SYT13: variants seen among roughly 807,000 people sequenced by gnomAD.
SYT13 encodes synaptotagmin-13.
SYT13 carries 21 observed loss-of-function variants against 38.6 expected under a neutral mutation model. That is an observed-to-expected ratio of 0.54 (90% CI 0.39 to 0.78). The LOEUF is 0.78. SYT13 is among the 30% of genes least tolerant of loss of function. SYT13 has a pLI of 0.00. For synonymous variants in SYT13, 241 were observed against 237.6 expected, an observed-to-expected ratio of 1.01 and a Z score of -0.13; for missense variants, 495 against 548.7, an observed-to-expected ratio of 0.90 and a Z score of 0.98.
At position 45,254,337 on chromosome 11, in the gene SYT13, G is replaced by A; in HGVS notation, c.477C>T (p.Ala159=). ...NPEKAASWNQ[A]PKLHYCLDYD... is the part of the protein sequence containing the mutation. ...AGTCCAGGCAGTAGTGGAGTTTGGG[G>A]GCCTGGTTCCAACTGGCAGCCTTCT... The change falls in exon 3 of 6, where the codon GCC becomes GCT. Residue 159 remains alanine (A), a synonymous_variant. Coordinates refer to ENST00000020926, the MANE Select transcript of SYT13 (RefSeq NM_020826.3). 3.1e-6 allele frequency: 5 copies of A among 1,613,684 alleles called. No individual in the cohort carries two copies. The highest frequency in any genetic ancestry group is 4.2e-6 in the Non-Finnish European group (5 of 1,179,828).
chr11:45,258,867 T>C (rs1480591048), intron 1 of SYT13, among the ~76,000 whole-genome samples: 2 of 152,128 alleles, frequency 1.3e-5, no homozygotes, highest in Admixed American at 1.3e-4. Context: ...GTCCCCGTCT[T>C]TCTACCCTAC....
At chr11:45,266,598 A>T (rs1854884785) in intron 1 of SYT13, among the ~76,000 whole-genome samples, 1 of 152,148 alleles carries the variant, frequency 6.6e-6, no homozygotes. Flanking sequence ...TAAGAAACTG[A>T]GAGAGATCCT....
chr11:45,257,715 G>C (rs1211731187), intron 1 of SYT13, among the ~76,000 whole-genome samples: 1 of 152,204 alleles, frequency 6.6e-6, no homozygotes, highest in Non-Finnish European at 1.5e-5. Flanking sequence ...CATTCCTGAA[G>C]GAGACCGGAC....
At chr11:45,244,420 G>A (rs1416376017) in intron 5 of SYT13, 64 bp from the exon 6 acceptor site, 2 of 1,551,292 alleles carry the variant, frequency 1.3e-6, no homozygotes, top group Admixed American at 1.8e-5. Context: ...TCTGGGATCT[G>A]GCAGGGCCCA....
intron 3 of SYT13, among the ~76,000 whole-genome samples, chr11:45,253,368 G>T (rs1854702484): frequency 6.6e-6 from 1 of 152,184 alleles, no homozygotes; most frequent in Admixed American, 6.5e-5. Flanking sequence ...TCTGTCACCA[G>T]TTAGATGCAG....
At chr11:45,277,603 G>A (rs1459904347) in intron 1 of SYT13, among the ~76,000 whole-genome samples, 1 of 152,038 alleles carries the variant, frequency 6.6e-6, no homozygotes, top group Non-Finnish European at 1.5e-5. Context: ...CAGCCACACT[G>A]GCTTTTCCCC....
At chr11:45,281,980 G>T (rs1483563231) in intron 1 of SYT13, among the ~76,000 whole-genome samples, 2 of 152,224 alleles carry the variant, frequency 1.3e-5, no homozygotes, top group African/African-American at 2.4e-5. Flanking sequence ...TAGGTTGGGC[G>T]AAAGGAGGAC....
At chr11:45,269,361 C>CA in intron 1 of SYT13, 2 of 907,472 alleles carry the variant, frequency 2.2e-6, no homozygotes, top group South Asian at 2.4e-5. Context: ...AACAAACAAA[C>CA]AAAAAACTCC....
chr11:45,242,653 A>G lies in SYT13; in HGVS notation c.*1399T>C, dbSNP rs1459132882. ...GTTTGTTTTTAGCCAGAGAGTGCCT[A>G]CAGGTTTTGAACACTATTTCATCTA... On this transcript the variant is annotated 3_prime_UTR_variant, in exon 6 of 6. Transcript: ENST00000020926. 1 of 152,026 alleles carries G rather than the reference A, an allele frequency of 6.6e-6. No homozygotes were observed. Among genetic ancestry groups the G allele is most frequent in the Non-Finnish European group, 1.5e-5 (1 of 68,018 alleles). 9.4% of individuals were successfully genotyped at this position (152,026 alleles called of 1,614,324 possible).
Position 45,241,914 on chromosome 11 carries a change from C to G in SYT13, c.*2138G>C, listed in dbSNP as rs1854556395. 6.6e-6 allele frequency: 1 copy of G among 152,176 alleles called. No homozygotes were observed. Among genetic ancestry groups the G allele is most frequent in the Non-Finnish European group, 1.5e-5 (1 of 68,038 alleles). The allele number at this position is 152,176 out of a possible 1,614,324, so 9.4% of individuals were successfully genotyped here. A position where few individuals can be genotyped will look rare whatever the true frequency, so the allele number is the denominator to read the frequency against. On this transcript the variant is annotated 3_prime_UTR_variant, in exon 6 of 6. Transcript: ENST00000020926. ...GGCCAACCTCAGTGATGAAGGTTTC[C>G]AATTATCCAAAAGACTTCTCATGAA...
intron 1 of SYT13, among the ~76,000 whole-genome samples, chr11:45,272,532 T>C (rs1854961794): frequency 1.3e-5 from 2 of 152,224 alleles, no homozygotes; most frequent in Admixed American, 6.5e-5. Flanking sequence ...TTTTGGCAGA[T>C]TCAAAGCCAG....
In SYT13 at chr11:45,255,821, G is replaced by T; in HGVS notation, c.254C>A (p.Pro85His). Residue 85 changes from proline (P) to histidine (H), a missense_variant, in exon 2 of 6, where the codon CCC (proline) becomes CAC (histidine). Physicochemically the swap from Pro to His is moderately conservative, Grantham distance 77. Coordinates refer to ENST00000020926, the MANE Select transcript of SYT13 (RefSeq NM_020826.3). Reference protein sequence around the residue: ...ALLKFPDIYGPRPAVTAPEVI... With the variant: ...ALLKFPDIYGHRPAVTAPEVI... ...CTCTGGAGCCGTCACAGCTGGCCTGGGTCCATAGATGTCTGGGAACTTGAG... is the reference window on the plus strand; with the variant it reads ...CTCTGGAGCCGTCACAGCTGGCCTGTGTCCATAGATGTCTGGGAACTTGAG... The T allele has an allele frequency of 2.5e-6, 4 of 1,614,174 alleles. No individual in the cohort carries two copies. The highest frequency in any genetic ancestry group is 3.4e-6 in the Non-Finnish European group (4 of 1,180,034).
chr11:45,278,241 CA>C (rs1855032605), intron 1 of SYT13, among the ~76,000 whole-genome samples: 2 of 152,254 alleles, frequency 1.3e-5, no homozygotes, highest in Admixed American at 6.5e-5. Context: ...TGTTTCTTAG[CA>C]AGAAATAAGC....
chr11:45,269,690 A>G (rs1854926031), intron 1 of SYT13, among the ~76,000 whole-genome samples: 3 of 152,214 alleles, frequency 2.0e-5, no homozygotes, highest in Non-Finnish European at 4.4e-5. Flanking sequence ...TCACATAGCT[A>G]ATATATGAAA....
chr11:45,274,372 T>C (rs1854985320), intron 1 of SYT13, among the ~76,000 whole-genome samples: 1 of 152,164 alleles, frequency 6.6e-6, no homozygotes, highest in Admixed American at 6.5e-5. Flanking sequence ...AAGAATCTGC[T>C]CCATTTGTTA....
In SYT13 at chr11:45,262,675, G is replaced by A. The variant is rs562584059; in HGVS notation, c.184-6784C>T. On this transcript the variant is annotated intron_variant, in intron 1 of 5. Coordinates refer to ENST00000020926, the MANE Select transcript of SYT13 (RefSeq NM_020826.3). Reference sequence around the variant, plus strand: ...CGGGAGGTGAAGGCTGTAGTGAGCCGAGATTGCACTGTTGCCCTCCAGCCT... The same window carrying A: ...CGGGAGGTGAAGGCTGTAGTGAGCCAAGATTGCACTGTTGCCCTCCAGCCT... Among the ~76,000 whole-genome samples the A allele has an allele frequency of 1.8e-3, 267 of 151,220 alleles. 1 individual carries two copies. The highest frequency in any genetic ancestry group is 6.2e-3 in the African/African-American group (256 of 41,132).
intron 4 of SYT13, among the ~76,000 whole-genome samples, chr11:45,248,694 G>A (rs1310304754): frequency 6.6e-6 from 1 of 152,184 alleles, no homozygotes; most frequent in Non-Finnish European, 1.5e-5. Context: ...GCTCATCACT[G>A]ATTATTAGAG....
chr11:45,269,920 G>T (rs547077910), intron 1 of SYT13, among the ~76,000 whole-genome samples: 1 of 152,308 alleles, frequency 6.6e-6, no homozygotes, highest in South Asian at 2.1e-4. Flanking sequence ...CCTGAACAAA[G>T]GCAATGTCAA....
chr11:45,266,870 C>G lies in SYT13; in HGVS notation c.184-10979G>C, dbSNP rs558174756. The stretch of plus-strand genomic sequence containing the variant: ...CAACTAACTGAACCTTCATGGCTAG[C>G]CAGTCACTTATTAACAGACTTGTAT... On this transcript the variant is annotated intron_variant, in intron 1 of 5. Transcript: ENST00000020926. 3.3e-5 allele frequency among the ~76,000 whole-genome samples: 5 copies of G among 152,292 alleles called. No individual in the cohort carries two copies. In the South Asian group the frequency reaches 8.3e-4, roughly 25 times the overall value.
Sources: gnomAD v4.1 joint callset for allele counts (sites outside exome capture counted in the v4.1 genomes callset) on GRCh38, gnomAD v4.1.1 for gene constraint, MANE v1.5 for transcripts, NCBI Gene and HGNC (gene_info 2026-07-23, HGNC 2026-07-21) for gene names.